The following FBN1 variants were observed in gnomAD, a reference collection of about 807,000 sequenced individuals.
FBN1 encodes fibrillin 1, also known as fibrillin-1.
In FBN1, 29 loss-of-function variants were observed where a neutral mutation model predicts 365.1. The observed-to-expected ratio is 0.08, with a 90% confidence interval of 0.06 to 0.11. The LOEUF is 0.11. Among genes scored for constraint, FBN1 ranks in the 10% least tolerant of loss-of-function variants. The probability of loss-of-function intolerance (pLI) is 1.00; values close to 1 mark genes in which losing one functional copy is unlikely to be tolerated. For missense variants in FBN1, 2,476 were observed against 3,703.2 expected (o/e 0.67, Z 8.60); for synonymous variants, 1,210 against 1,270.5 (o/e 0.95, Z 1.01).
chr15:48,614,850 T>C (rs1254376570), intron 2 of FBN1, among the ~76,000 whole-genome samples: 3 of 152,118 alleles, frequency 2.0e-5, no homozygotes, highest in Non-Finnish European at 4.4e-5. Context: ...ATCATCCTGA[T>C]GGAATCATCT....
chr15:48,629,760 T>C (rs2140762951), intron 2 of FBN1, among the ~76,000 whole-genome samples: 1 of 152,376 alleles, frequency 6.6e-6, no homozygotes, highest in Non-Finnish European at 1.5e-5. Flanking sequence ...TATCCACATC[T>C]GTGTTAAATA....
intron 50 of FBN1, among the ~76,000 whole-genome samples, chr15:48,439,939 G>A (rs897150739): frequency 2.0e-5 from 3 of 152,102 alleles, no homozygotes; most frequent in South Asian, 2.1e-4. Flanking sequence ...ATTATCCACG[G>A]TTCTGTGGAA....
intron 24 of FBN1, among the ~76,000 whole-genome samples, chr15:48,491,091 C>T (rs574647447): frequency 1.1e-4 from 16 of 152,282 alleles, no homozygotes; most frequent in African/African-American, 3.9e-4. Flanking sequence ...AAATTAAACA[C>T]TGAAGCATCT....
chr15:48,489,014 T>C (rs1451084429), intron 25 of FBN1, among the ~76,000 whole-genome samples: 2 of 152,064 alleles, frequency 1.3e-5, no homozygotes, highest in African/African-American at 4.8e-5. Flanking sequence ...TAAAAATATT[T>C]TCTTAATGTA....
At chr15:48,609,191 C>T (rs1465695901) in intron 4 of FBN1, among the ~76,000 whole-genome samples, 1 of 152,352 alleles carries the variant, frequency 6.6e-6, no homozygotes, top group East Asian at 1.9e-4. Flanking sequence ...AGTTCAGGGG[C>T]TCTTGCTACG....
rs201346996 is a variant in FBN1, at chr15:48,444,587, T to C, written c.5991A>G (p.Arg1997=). The C allele has an allele frequency of 9.3e-6, 15 of 1,613,544 alleles. No individual in the cohort carries two copies. Among genetic ancestry groups the C allele is most frequent in the Non-Finnish European group, 1.3e-5 (15 of 1,179,718 alleles). ...GTCQNLDGSY[R]CICPPGYSLQ... is the part of the protein sequence containing the mutation. ...GACTGTATCCAGGTGGGCAAATGCA[T>C]CTGTAGGACCCATCCAAGTTTTGAC... The change falls in exon 49 of 66, where the codon AGA becomes AGG. Residue 1997 remains arginine (R), a synonymous_variant. Transcript: ENST00000316623.
intron 29 of FBN1, among the ~76,000 whole-genome samples, chr15:48,486,087 TG>T (rs1199465527): frequency 6.6e-6 from 1 of 152,202 alleles, no homozygotes; most frequent in Non-Finnish European, 1.5e-5. Flanking sequence ...AGGAGACAGA[TG>T]AACAATTAAT....
rs1555403283 is a variant in FBN1, at chr15:48,568,049, G to GAAGAAAGA, written c.538+28226_538+28233dup. ...AGAAAGAAAGAAAGAAAGAAAGAAA[G>GAAGAAAGA]AAGAAAGAAAGAAAGAAAGAAAGAA... On this transcript the variant is annotated intron_variant, in intron 6 of 65. Coordinates refer to ENST00000316623, the MANE Select transcript of FBN1 (RefSeq NM_000138.5). 7.4e-3 allele frequency among the ~76,000 whole-genome samples: 296 copies of GAAGAAAGA among 40,080 alleles called. 3 individuals carry two copies. The highest frequency in any genetic ancestry group is 0.016 in the Middle Eastern group (1 of 64). The allele number at this position is 40,080 out of a possible 152,430, so 26.3% of individuals were successfully genotyped here.
At chr15:48,624,720 G>A (rs1170958691) in intron 2 of FBN1, among the ~76,000 whole-genome samples, 1 of 152,192 alleles carries the variant, frequency 6.6e-6, no homozygotes, top group Non-Finnish European at 1.5e-5. Context: ...CTTTGACTGG[G>A]ATATTCATTC....
At chr15:48,617,501 A>G (rs530337666) in intron 2 of FBN1, among the ~76,000 whole-genome samples, 1 of 152,254 alleles carries the variant, frequency 6.6e-6, no homozygotes, top group East Asian at 1.9e-4. Flanking sequence ...CTGTATTCCA[A>G]TAGTTTATAG....
intron 43 of FBN1, among the ~76,000 whole-genome samples, chr15:48,459,040 T>C (rs1194637736): frequency 1.3e-5 from 2 of 152,224 alleles, no homozygotes; most frequent in African/African-American, 4.8e-5. Flanking sequence ...TTCCCCTCTC[T>C]GGGCCTCTGT....
intron 16 of FBN1, 124 bp from the exon 17 acceptor site, chr15:48,504,063 G>A: frequency 8.8e-7 from 1 of 1,139,302 alleles, no homozygotes; most frequent in Non-Finnish European, 1.3e-6. Flanking sequence ...GAATGCCTCT[G>A]ATATCGGGGC....
chr15:48,549,807 A>C (rs769936236), intron 6 of FBN1, among the ~76,000 whole-genome samples: 2 of 152,194 alleles, frequency 1.3e-5, no homozygotes, highest in Admixed American at 6.5e-5. Flanking sequence ...AGAAAAAAAA[A>C]AACTCTCCTA....
At chr15:48,428,973 A>G (rs2043004440) in intron 56 of FBN1, among the ~76,000 whole-genome samples, 1 of 152,220 alleles carries the variant, frequency 6.6e-6, no homozygotes, top group African/African-American at 2.4e-5. Flanking sequence ...GTATCCTTCC[A>G]GAGCTGGATT....
At chr15:48,595,047 A>G (rs2044506247) in intron 6 of FBN1, among the ~76,000 whole-genome samples, 1 of 152,264 alleles carries the variant, frequency 6.6e-6, no homozygotes, top group South Asian at 2.1e-4. Context: ...CATGCAATGT[A>G]AAGGTCTATT....
At chr15:48,465,090 AAC>A (rs1371192620) in intron 40 of FBN1, among the ~76,000 whole-genome samples, 1 of 152,210 alleles carries the variant, frequency 6.6e-6, no homozygotes, top group African/African-American at 2.4e-5. Flanking sequence ...CCTTTCCAGT[AAC>A]ACAGGATGAA....
rs397515841 is a variant in FBN1, at chr15:48,537,650, G to T, written c.697C>A (p.Arg233Ser). The change falls in exon 7 of 66, where the codon CGT becomes AGT. Residue 233 changes from arginine (R) to serine (S), a missense_variant. By Grantham distance (110) the Arg-to-Ser change is moderately radical. Coordinates refer to ENST00000316623, the MANE Select transcript of FBN1 (RefSeq NM_000138.5). ...MCPAQPHPCR[R>S]GFIPNIRTGA... ...GTGCGGATATTTGGAATGAAGCCAC[G>T]GCGGCAGGGGTGAGGCTGGGCAGGA... 1.9e-6 allele frequency: 3 copies of T among 1,614,214 alleles called. No individual in the cohort carries two copies. Among genetic ancestry groups the T allele is most frequent in the Non-Finnish European group, 2.5e-6 (3 of 1,180,032 alleles).
At chr15:48,499,960 C>T (rs2043640917) in intron 17 of FBN1, among the ~76,000 whole-genome samples, 2 of 152,116 alleles carry the variant, frequency 1.3e-5, no homozygotes, top group Non-Finnish European at 2.9e-5. Context: ...GCAAATAGTT[C>T]CTATCCCCTG....
intron 23 of FBN1, among the ~76,000 whole-genome samples, chr15:48,493,503 A>G (rs753703657): frequency 4.6e-5 from 7 of 152,200 alleles, no homozygotes; most frequent in Non-Finnish European, 7.3e-5. Context: ...CACTTGTACA[A>G]CAAAATATGC....
Sources: gnomAD v4.1 joint callset for allele counts (sites outside exome capture counted in the v4.1 genomes callset) on GRCh38, gnomAD v4.1.1 for gene constraint, MANE v1.5 for transcripts, NCBI Gene and HGNC (gene_info 2026-07-23, HGNC 2026-07-21) for gene names.